RBFOX1: variants seen among roughly 807,000 people sequenced by gnomAD.
RBFOX1 encodes the protein RNA binding protein fox-1 homolog 1.
Under a neutral mutation model 57.7 loss-of-function variants are expected in RBFOX1, and 8 were observed. The ratio of observed to expected loss-of-function variants is 0.14; its 90% CI spans 0.08 to 0.25. The LOEUF (loss-of-function observed/expected upper bound fraction) is 0.25. RBFOX1 is among the 10% of genes least tolerant of loss of function. The probability of loss-of-function intolerance (pLI) is 1.00; values close to 1 mark genes in which losing one functional copy is unlikely to be tolerated. For missense variants in RBFOX1, 611 were observed against 548.5 expected (o/e 1.11, Z -1.14); for synonymous variants, 326 against 222.4 (o/e 1.47, Z -4.15).
intron 1 of RBFOX1, among the ~76,000 whole-genome samples, chr16:5,360,757 G>T (rs959715413): frequency 6.6e-6 from 1 of 152,204 alleles, no homozygotes; most frequent in African/African-American, 2.4e-5. Context: ...GTCAACAGCT[G>T]AAACTGTCTT....
intron 2 of RBFOX1, among the ~76,000 whole-genome samples, chr16:6,500,163 C>G (rs569686807): frequency 6.6e-6 from 1 of 152,182 alleles, no homozygotes; most frequent in African/African-American, 2.4e-5. Flanking sequence ...TGAGTCACGC[C>G]AACTCTTTTT....
At chr16:7,000,398 A>G (rs1394110696) in intron 3 of RBFOX1, among the ~76,000 whole-genome samples, 1 of 152,016 alleles carries the variant, frequency 6.6e-6, no homozygotes, top group Admixed American at 6.6e-5. Context: ...AGTGTTTGCA[A>G]TCTATTTGTT....
At chr16:5,683,066 A>C (rs2151440020) in intron 3 of RBFOX1, among the ~76,000 whole-genome samples, 1 of 151,296 alleles carries the variant, frequency 6.6e-6, no homozygotes, top group African/African-American at 2.4e-5. Flanking sequence ...GTAAGGATTT[A>C]CTGAGATAAA....
intron 2 of RBFOX1, among the ~76,000 whole-genome samples, chr16:6,497,577 A>G (rs1254474813): frequency 1.3e-5 from 2 of 148,658 alleles, no homozygotes; most frequent in South Asian, 2.1e-4. Context: ...AAAAAAAAAA[A>G]CAGAGTTTTG....
rs544873785 is a variant in RBFOX1, at chr16:7,332,620, A to T, written c.28-185527A>T. The T allele has an allele frequency of 5.9e-4, 169 of 287,874 alleles. 1 individual carries two copies. The highest frequency in any genetic ancestry group is 8.0e-4 in the Non-Finnish European group (142 of 177,610). The allele number at this position is 287,874 out of a possible 1,614,324, so 17.8% of individuals were successfully genotyped here. A position where few individuals can be genotyped will look rare whatever the true frequency, so the allele number is the denominator to read the frequency against. On this transcript the variant is annotated intron_variant, in intron 4 of 15. Transcript: ENST00000550418. ...TGGCCAAATTCAGTAGGATGAGCTT[A>T]TATCTCATAGCCTGGTTCCCTCTGT...
At chr16:6,272,626 C>T (rs1011872811) in intron 1 of RBFOX1, among the ~76,000 whole-genome samples, 1 of 152,102 alleles carries the variant, frequency 6.6e-6, no homozygotes, top group Non-Finnish European at 1.5e-5. Flanking sequence ...ATTTAAAAAG[C>T]TTAACAATTT....
chr16:6,557,178 CAT>C (rs765191818), intron 2 of RBFOX1, among the ~76,000 whole-genome samples: 2 of 144,252 alleles, frequency 1.4e-5, no homozygotes, highest in African/African-American at 5.1e-5. Flanking sequence ...TATATATATA[CAT>C]ATATATAATA....
At chr16:6,876,902 A>C (rs563131170) in intron 3 of RBFOX1, among the ~76,000 whole-genome samples, 1 of 152,224 alleles carries the variant, frequency 6.6e-6, no homozygotes, top group Non-Finnish European at 1.5e-5. Context: ...TTAGCCCACC[A>C]AGTACTGGGT....
At chr16:6,759,117 G>T (rs2076225652) in intron 3 of RBFOX1, among the ~76,000 whole-genome samples, 1 of 150,656 alleles carries the variant, frequency 6.6e-6, no homozygotes, top group East Asian at 2.0e-4. Context: ...AAATGGAGTA[G>T]AAAAAGTGGA....
At chr16:7,414,177 C>G (rs2098457286) in intron 4 of RBFOX1, among the ~76,000 whole-genome samples, 1 of 152,220 alleles carries the variant, frequency 6.6e-6, no homozygotes, top group African/African-American at 2.4e-5. Context: ...ACAAGTGTTT[C>G]ACATACACTT....
intron 4 of RBFOX1, among the ~76,000 whole-genome samples, chr16:7,129,777 A>G (rs1403524107): frequency 1.3e-5 from 2 of 149,072 alleles, no homozygotes; most frequent in Non-Finnish European, 3.0e-5. Context: ...AGCTGCAAAG[A>G]GACATTTATC....
intron 1 of RBFOX1, among the ~76,000 whole-genome samples, chr16:6,209,404 A>G (rs1396182538): frequency 2.3e-4 from 2 of 8,830 alleles, no homozygotes; most frequent in Non-Finnish European, 0.013. Context: ...AAGAATGTAC[A>G]TCCAAACTTC....
rs372196617 is a variant in RBFOX1, at chr16:7,179,797, T to A, written c.27+127699T>A. Among the ~76,000 whole-genome samples the A allele has an allele frequency of 1.7e-4, 26 of 152,110 alleles. 1 individual carries two copies. The highest frequency in any genetic ancestry group is 5.8e-4 in the East Asian group (3 of 5,190). On this transcript the variant is annotated intron_variant, in intron 4 of 15. Coordinates refer to ENST00000550418, the MANE Select transcript of RBFOX1 (RefSeq NM_018723.4). Reference sequence around the variant, plus strand: ...TCACTCAGTCTGGAATGCAGTGGCATGATCTCGGCTCACTGCAACCTACTC... The same window carrying A: ...TCACTCAGTCTGGAATGCAGTGGCAAGATCTCGGCTCACTGCAACCTACTC...
At chr16:7,582,384 G>A (rs990033903) in intron 6 of RBFOX1, among the ~76,000 whole-genome samples, 1 of 152,090 alleles carries the variant, frequency 6.6e-6, no homozygotes, top group Non-Finnish European at 1.5e-5. Flanking sequence ...GTCTATAAAA[G>A]TGCCAGGAAC....
At chr16:5,484,730 G>A (rs1431615820) in intron 2 of RBFOX1, among the ~76,000 whole-genome samples, 1 of 151,892 alleles carries the variant, frequency 6.6e-6, no homozygotes, top group Non-Finnish European at 1.5e-5. Context: ...GGCCAACATG[G>A]TGAAACCCCA....
intron 4 of RBFOX1, among the ~76,000 whole-genome samples, chr16:7,430,590 A>G (rs1430432800): frequency 6.6e-6 from 1 of 151,810 alleles, no homozygotes; most frequent in Non-Finnish European, 1.5e-5. Context: ...TCAACCCAGG[A>G]GACAGAGGTT....
chr16:5,747,527 G>A (rs2053034112), intron 3 of RBFOX1, among the ~76,000 whole-genome samples: 1 of 152,040 alleles, frequency 6.6e-6, no homozygotes, highest in Non-Finnish European at 1.5e-5. Context: ...AGTTTTTTTG[G>A]TTGGTAGGCT....
chr16:7,474,017 G>C (rs1239290031), intron 4 of RBFOX1, among the ~76,000 whole-genome samples: 1 of 152,106 alleles, frequency 6.6e-6, no homozygotes, highest in Non-Finnish European at 1.5e-5. Flanking sequence ...GGCCGGGCAT[G>C]GTGGCTCACG....
intron 4 of RBFOX1, among the ~76,000 whole-genome samples, chr16:7,078,690 TA>T (rs201058194): frequency 0.02 from 2,888 of 141,294 alleles, 83 homozygotes; most frequent in South Asian, 0.041. Context: ...TATTTTATTT[TA>T]TTTTTTTTTG....
Sources: gnomAD v4.1 joint callset for allele counts (sites outside exome capture counted in the v4.1 genomes callset) on GRCh38, gnomAD v4.1.1 for gene constraint, MANE v1.5 for transcripts, NCBI Gene and HGNC (gene_info 2026-07-23, HGNC 2026-07-21) for gene names.